The following XXYLT1 variants were observed in gnomAD, a reference collection of about 807,000 sequenced individuals.
XXYLT1 encodes the protein xyloside xylosyltransferase 1.
In XXYLT1, 20 loss-of-function variants were observed where a neutral mutation model predicts 28.9. That is an observed-to-expected ratio of 0.69 (90% CI 0.49 to 1.00). The LOEUF (loss-of-function observed/expected upper bound fraction) is 1.00. Among genes scored for constraint, XXYLT1 ranks in the 50% least tolerant of loss-of-function variants. XXYLT1 has a pLI of 0.00. For missense variants in XXYLT1, 542 were observed against 560.1 expected (o/e 0.97, Z 0.33); for synonymous variants, 257 against 253.8 (o/e 1.01, Z -0.12).
chr3:195,144,913 T>G (rs1577075127), intron 3 of XXYLT1, among the ~76,000 whole-genome samples: 1 of 152,100 alleles, frequency 6.6e-6, no homozygotes, highest in Non-Finnish European at 1.5e-5. Flanking sequence ...GCAGAAGAAA[T>G]AGGGGTGCCT....
At chr3:195,139,409 G>A (rs1408205425) in intron 3 of XXYLT1, among the ~76,000 whole-genome samples, 2 of 152,228 alleles carry the variant, frequency 1.3e-5, no homozygotes, top group Non-Finnish European at 2.9e-5. Context: ...GCAGCAGGAA[G>A]GACATAAGGC....
intron 1 of XXYLT1, among the ~76,000 whole-genome samples, chr3:195,230,414 T>C (rs1224258523): frequency 6.6e-6 from 1 of 152,248 alleles, no homozygotes; most frequent in Non-Finnish European, 1.5e-5. Flanking sequence ...CCATTTTCAC[T>C]TTGATTGCCT....
intron 2 of XXYLT1, among the ~76,000 whole-genome samples, chr3:195,166,487 C>T (rs1358920554): frequency 6.6e-6 from 1 of 152,202 alleles, no homozygotes; most frequent in Non-Finnish European, 1.5e-5. Flanking sequence ...AAAGTCAGGA[C>T]ACTAGCAGTA....
intron 3 of XXYLT1, among the ~76,000 whole-genome samples, chr3:195,101,186 C>T (rs1716753235): frequency 6.6e-6 from 1 of 152,278 alleles, no homozygotes; most frequent in Non-Finnish European, 1.5e-5. Context: ...AGGCCTCTTG[C>T]CAGTGCTATG....
In XXYLT1 at chr3:195,086,821, T is replaced by C. The variant is rs139675486; in HGVS notation, c.786-16710A>G. Reference sequence around the variant, plus strand: ...GACTAGCTCTAAGAACGGATGCATGTAGGTGATGAAGGGGGACAAAGAGCT... The same window carrying C: ...GACTAGCTCTAAGAACGGATGCATGCAGGTGATGAAGGGGGACAAAGAGCT... On this transcript the variant is annotated intron_variant, in intron 3 of 3. Coordinates refer to ENST00000310380, the MANE Select transcript of XXYLT1 (RefSeq NM_152531.5). Among the ~76,000 whole-genome samples the C allele has an allele frequency of 4.4e-3, 672 of 152,074 alleles. 6 individuals are homozygous for C. The highest frequency in any genetic ancestry group is 0.015 in the African/African-American group (640 of 41,504).
intron 2 of XXYLT1, among the ~76,000 whole-genome samples, chr3:195,160,731 CT>C (rs1720827612): frequency 6.6e-6 from 1 of 152,224 alleles, no homozygotes; most frequent in African/African-American, 2.4e-5. Context: ...CACGGTCCCC[CT>C]GTGCTCCACC....
In XXYLT1 at chr3:195,078,816, G is replaced by GATCA. The variant is rs1715269438; in HGVS notation, c.786-8706_786-8705insTGAT. Reference sequence around the variant, plus strand: ...TGGCAGCTCCTTGCTCGCCGCCTGGGATCCCCTTCCTCTCTGCTCCATCCC... The same window carrying GATCA: ...TGGCAGCTCCTTGCTCGCCGCCTGGGATCAATCCCCTTCCTCTCTGCTCCATCCC... On this transcript the variant is annotated intron_variant, in intron 3 of 3. Coordinates refer to ENST00000310380, the MANE Select transcript of XXYLT1 (RefSeq NM_152531.5). The surrounding 1 kb of genome is among the most constrained non-coding windows in gnomAD (Gnocchi z 5.0). 7.8e-6 allele frequency among the ~76,000 whole-genome samples: 1 copy of GATCA among 128,026 alleles called. No homozygotes were observed. Among genetic ancestry groups the GATCA allele is most frequent in the South Asian group, 3.4e-4 (1 of 2,970 alleles). The allele number at this position is 128,026 out of a possible 152,430, so 84.0% of individuals were successfully genotyped here. A position where few individuals can be genotyped will look rare whatever the true frequency, so the allele number is the denominator to read the frequency against.
intron 3 of XXYLT1, among the ~76,000 whole-genome samples, chr3:195,112,439 C>T (rs1230405053): frequency 8.3e-5 from 4 of 47,940 alleles, no homozygotes; most frequent in East Asian, 8.0e-4. Flanking sequence ...CACACACACG[C>T]ACGCACACCC....
At chr3:195,164,379 C>T (rs1721012405) in intron 2 of XXYLT1, among the ~76,000 whole-genome samples, 1 of 152,232 alleles carries the variant, frequency 6.6e-6, no homozygotes. Flanking sequence ...TTTGTTCAGC[C>T]CTCAGCTGTC....
intron 2 of XXYLT1, among the ~76,000 whole-genome samples, chr3:195,203,554 CG>C (rs2108768179): frequency 6.6e-6 from 1 of 152,252 alleles, no homozygotes; most frequent in South Asian, 2.1e-4. Context: ...AGAAGTGAAT[CG>C]AACATTAACA....
intron 3 of XXYLT1, among the ~76,000 whole-genome samples, chr3:195,092,503 C>G (rs1359326490): frequency 4.7e-3 from 627 of 134,824 alleles, no homozygotes; most frequent in East Asian, 0.021. Flanking sequence ...TGGATCCCTT[C>G]CTTACACCTT....
intron 2 of XXYLT1, among the ~76,000 whole-genome samples, chr3:195,203,734 C>T (rs1430119079): frequency 1.3e-5 from 2 of 152,180 alleles, no homozygotes; most frequent in African/African-American, 4.8e-5. Flanking sequence ...CCTCACAGCC[C>T]CTTGGAGCAG....
At chr3:195,269,292 C>G (rs2108863006) in intron 1 of XXYLT1, among the ~76,000 whole-genome samples, 1 of 152,296 alleles carries the variant, frequency 6.6e-6, no homozygotes, top group Middle Eastern at 3.4e-3. Context: ...CAAAGTTTCT[C>G]AAATATTAGG....
chr3:195,068,462 G>C lies in XXYLT1; in HGVS notation c.*1253C>G, dbSNP rs34303305. ...CGCTTTAATTTCTGCTAAGGTCTAC[G>C]GTCTAACGTGGTATGATAAGGGGAT... On this transcript the variant is annotated 3_prime_UTR_variant, in exon 4 of 4. Transcript: ENST00000310380. 2 of 152,074 alleles carry C rather than the reference G, an allele frequency of 1.3e-5. No individual in the cohort carries two copies. The highest frequency in any genetic ancestry group is 4.8e-5 in the African/African-American group (2 of 41,404). The allele number at this position is 152,074 out of a possible 1,614,324, so 9.4% of individuals were successfully genotyped here.
chr3:195,256,500 C>T lies in XXYLT1; in HGVS notation c.504+14055G>A. The T allele has an allele frequency of 1.0e-6, 1 of 985,408 alleles. No individual in the cohort carries two copies. 61.0% of individuals were successfully genotyped at this position (985,408 alleles called of 1,614,324 possible). On this transcript the variant is annotated intron_variant, in intron 1 of 3. Transcript: ENST00000310380. The surrounding 1 kb of genome is among the most constrained non-coding windows in gnomAD (Gnocchi z 4.2). ...ACGGAAGGGAAGTCAGCACGGAAGC[C>T]TCACCTAGGGTCATTCCAGGGATTA...
chr3:195,243,380 C>T (rs1024078333), intron 1 of XXYLT1, among the ~76,000 whole-genome samples: 5 of 150,910 alleles, frequency 3.3e-5, no homozygotes, highest in Non-Finnish European at 3.0e-5. Flanking sequence ...AGAGATGGTT[C>T]GGGGGTTGTT....
intron 2 of XXYLT1, among the ~76,000 whole-genome samples, chr3:195,204,342 A>G (rs1215609743): frequency 7.0e-6 from 1 of 143,812 alleles, no homozygotes; most frequent in Non-Finnish European, 1.5e-5. Context: ...ACTCTGTCTC[A>G]AAAAAAAAAA....
intron 3 of XXYLT1, among the ~76,000 whole-genome samples, chr3:195,130,726 G>A (rs534080945): frequency 6.6e-6 from 1 of 152,278 alleles, no homozygotes; most frequent in South Asian, 2.1e-4. Flanking sequence ...GGAGGGGCTG[G>A]GCTCAAGTCA....
chr3:195,184,589 A>AC (rs11360608), intron 2 of XXYLT1: 8 of 982,936 alleles, frequency 8.1e-6, no homozygotes, highest in African/African-American at 1.8e-5. Flanking sequence ...GTTTGGAAGA[A>AC]CCCCCCCAAG....
Sources: gnomAD v4.1 joint callset for allele counts (sites outside exome capture counted in the v4.1 genomes callset) on GRCh38, gnomAD v4.1.1 for gene constraint, Gnocchi (gnomAD v3.1) non-coding constraint, MANE v1.5 for transcripts, NCBI Gene and HGNC (gene_info 2026-07-23, HGNC 2026-07-21) for gene names.